Variants in BNIP1 observed in about 807,000 individuals in gnomAD.
BNIP1 encodes BCL2 interacting protein 1, also known as vesicle transport protein SEC20.
A neutral mutation model predicts 28.5 loss-of-function variants in BNIP1; 25 were observed. The observed-to-expected ratio is 0.88, with a 90% CI of 0.64 to 1.23. The LOEUF is 1.23. Ranked by LOEUF, BNIP1 falls within the 50% of genes most tolerant of loss-of-function variation. BNIP1 has a pLI of 0.00. For synonymous variants in BNIP1, 118 were observed against 101.7 expected (o/e 1.16, Z -0.96); for missense variants, 276 against 277.0 (o/e 1.00, Z 0.02).
intron 1 of BNIP1, chr5:173,145,015 T>A (rs1257067320): frequency 3.5e-5 from 6 of 173,406 alleles, no homozygotes; most frequent in African/African-American, 1.4e-4. Context: ...TCTGGTAGCG[T>A]CCGGGAGGCA....
rs5745137 is a variant in BNIP1, at chr5:173,154,207, GTT to G, written c.178-112_178-111del. ...GTTACCTAGCATTCCTAGGTGTTCTGTTTTAAAAGGGTGCTTCAAGTGCTATT... is the reference window on the plus strand; with the variant it reads ...GTTACCTAGCATTCCTAGGTGTTCTGTTAAAAGGGTGCTTCAAGTGCTATT... On this transcript the variant is annotated intron_variant, in intron 2 of 5. Transcript: ENST00000351486. 1,415 of 819,918 alleles carry G rather than the reference GTT, an allele frequency of 1.7e-3. 23 individuals are homozygous for G. The African/African-American group carries it at 0.022, about 13-fold the overall frequency. 50.8% of individuals were successfully genotyped at this position (819,918 alleles called of 1,614,324 possible). A position where few individuals can be genotyped will look rare whatever the true frequency, so the allele number is the denominator to read the frequency against.
At chr5:173,155,231 G>T (rs774477938) in intron 3 of BNIP1, among the ~76,000 whole-genome samples, 1 of 152,206 alleles carries the variant, frequency 6.6e-6, no homozygotes, top group Non-Finnish European at 1.5e-5. Flanking sequence ...TGATTATATA[G>T]TTACAGTTAT....
chr5:173,151,421 C>T (rs1030721597), intron 2 of BNIP1: 13 of 817,944 alleles, frequency 1.6e-5, no homozygotes, highest in Middle Eastern at 3.7e-4. Context: ...AGGGTTTTGC[C>T]ATGTTGCTCA....
intron 1 of BNIP1, among the ~76,000 whole-genome samples, chr5:173,145,457 A>G (rs1759804471): frequency 6.6e-6 from 1 of 152,230 alleles, no homozygotes; most frequent in Admixed American, 6.5e-5. Flanking sequence ...GCTGGAGTGC[A>G]GTGGCGCGAT....
rs1329909962 is a variant in BNIP1 at position 173,159,941 on chromosome 5, C to T, written c.380C>T (p.Thr127Ile). ...GGDLLRQRKTTKESLAQTSST... is the reference protein window; with the variant it reads ...GGDLLRQRKTIKESLAQTSST... ...TTCCTCTGAACTTTTAGGAAAACCA[C>T]CAAAGAGAGCCTGGCCCAGACATCC... is the stretch of plus-strand genomic sequence containing the variant. Residue 127 changes from threonine (T) to isoleucine (I), a missense_variant, in exon 5 of 6, where the codon ACC (threonine) becomes ATC (isoleucine). By Grantham distance (89) the Thr-to-Ile change is moderately conservative. Coordinates refer to ENST00000351486, the MANE Select transcript of BNIP1 (RefSeq NM_001205.3). 2 of 1,613,970 alleles carry T rather than the reference C, an allele frequency of 1.2e-6. No homozygotes were observed. The highest frequency in any genetic ancestry group is 4.5e-5 in the East Asian group (2 of 44,882).
intron 5 of BNIP1, 48 bp from the exon 6 acceptor site, chr5:173,163,677 T>C: frequency 6.6e-7 from 1 of 1,514,274 alleles, no homozygotes; most frequent in Non-Finnish European, 8.9e-7. Context: ...GGTCTTTGGA[T>C]CTTGAGCTGC....
At chr5:173,163,133 C>T (rs1372390441) in intron 5 of BNIP1, among the ~76,000 whole-genome samples, 1 of 152,176 alleles carries the variant, frequency 6.6e-6, no homozygotes, top group Non-Finnish European at 1.5e-5. Flanking sequence ...ACTCTGGGGA[C>T]AGTGATTCCT....
intron 3 of BNIP1, among the ~76,000 whole-genome samples, chr5:173,157,539 C>T (rs576150729): frequency 2.6e-5 from 4 of 152,030 alleles, no homozygotes; most frequent in African/African-American, 9.6e-5. Context: ...CTCAGACTCC[C>T]GAGTAGCTGG....
rs767436623 is a variant in BNIP1, at chr5:173,159,963, A to T, written c.402A>T (p.Thr134=). ...RKTTKESLAQ[T]SSTITESLMG... is the part of the protein sequence containing the mutation. ...CCACCAAAGAGAGCCTGGCCCAGAC[A>T]TCCAGTACCATCACTGAGAGCCTCA... is the stretch of plus-strand genomic sequence containing the variant. The change falls in exon 5 of 6, where the codon ACA becomes ACT. Residue 134 remains threonine, a synonymous_variant. Coordinates refer to ENST00000351486, the MANE Select transcript of BNIP1 (RefSeq NM_001205.3). 8.7e-6 allele frequency: 14 copies of T among 1,614,044 alleles called. No homozygotes were observed. In the African/African-American group the frequency reaches 1.6e-4, roughly 18 times the overall value.
At chr5:173,159,850 T>G in intron 4 of BNIP1, 83 bp from the exon 5 acceptor site, 3 of 1,135,740 alleles carry the variant, frequency 2.6e-6, no homozygotes, top group Non-Finnish European at 2.6e-6. Flanking sequence ...AGGTAAAACA[T>G]GAGATCTCAT....
chr5:173,158,704 G>A lies in BNIP1; in HGVS notation c.270-40G>A, dbSNP rs5745159. ...GTGAATTGAACTGACTTATGGCTTG[G>A]TGGAGTGGACACACTCACACGTGAA... On this transcript the variant is annotated intron_variant, in intron 3 of 5. Coordinates refer to ENST00000351486, the MANE Select transcript of BNIP1 (RefSeq NM_001205.3). The A allele has an allele frequency of 1.3e-3, 1,911 of 1,513,652 alleles. 31 individuals are homozygous for A. The African/African-American group carries it at 0.022, about 17-fold the overall frequency. The allele number at this position is 1,513,652 out of a possible 1,614,324, so 93.8% of individuals were successfully genotyped here. A position where few individuals can be genotyped will look rare whatever the true frequency, so the allele number is the denominator to read the frequency against.
rs576945835 is a variant in BNIP1, at chr5:173,160,615, C to G, written c.490+564C>G. ...CATTCCCATGTGTTCATGTGAAAGG[C>G]AGAGGTCCCAGCCCCTCTCCTAGAG... On this transcript the variant is annotated intron_variant, in intron 5 of 5. Transcript: ENST00000351486. Among the ~76,000 whole-genome samples, 5 of 152,234 alleles carry G rather than the reference C, an allele frequency of 3.3e-5. No homozygotes were observed. In the East Asian group the frequency reaches 9.7e-4, roughly 29 times the overall value.
Position 173,158,004 on chromosome 5 carries a change from G to A in BNIP1, c.270-740G>A, listed in dbSNP as rs112174000. Among the ~76,000 whole-genome samples, 498 of 149,670 alleles carry A rather than the reference G, an allele frequency of 3.3e-3. 2 individuals are homozygous for A. The highest frequency in any genetic ancestry group is 0.011 in the African/African-American group (460 of 40,616). ...TATAGTGGTACTATCACGGCTCACT[G>A]CAACCTCCACTTCCCAGGCTCAGGT... is the stretch of plus-strand genomic sequence containing the variant. On this transcript the variant is annotated intron_variant, in intron 3 of 5. Transcript: ENST00000351486.
intron 2 of BNIP1, chr5:173,151,482 A>G (rs527869161): frequency 2.1e-6 from 3 of 1,399,436 alleles, no homozygotes; most frequent in East Asian, 2.3e-5. Flanking sequence ...CAGCCTTCCA[A>G]AGTGTTGGGA....
intron 2 of BNIP1, chr5:173,151,457 A>G (rs1451286021): frequency 8.8e-7 from 1 of 1,140,502 alleles, no homozygotes; most frequent in Non-Finnish European, 1.2e-6. Flanking sequence ...CCTGGACTCA[A>G]GTGATTGCCT....
At position 173,164,134 on chromosome 5, in the gene BNIP1, G is replaced by A. The variant is rs921478735; in HGVS notation, c.*213G>A. On this transcript the variant is annotated 3_prime_UTR_variant, in exon 6 of 6. Transcript: ENST00000351486. This position sits in a 1 kb window ranked among gnomAD's most constrained non-coding sequence, Gnocchi z 4.0. The stretch of plus-strand genomic sequence containing the variant: ...GAGGAAGGTCTGGCATTGGGATGCC[G>A]CCCTGGGGACATACGAACCGCCTCC... The A allele has an allele frequency of 2.0e-5, 9 of 444,074 alleles. No individual in the cohort carries two copies. The highest frequency in any genetic ancestry group is 4.0e-5 in the African/African-American group (2 of 49,902). 27.5% of individuals were successfully genotyped at this position (444,074 alleles called of 1,614,324 possible). A position where few individuals can be genotyped will look rare whatever the true frequency, so the allele number is the denominator to read the frequency against.
Position 173,164,369 on chromosome 5 carries a change from T to C in BNIP1, c.*448T>C, listed in dbSNP as rs1760451081. 6.5e-6 allele frequency: 1 copy of C among 153,490 alleles called. No homozygotes were observed. The allele number at this position is 153,490 out of a possible 1,614,324, so 9.5% of individuals were successfully genotyped here. A position where few individuals can be genotyped will look rare whatever the true frequency, so the allele number is the denominator to read the frequency against. ...TGATTTTATTTAATAGAATAAAATG[T>C]ATTTGATTTTGTAAGATAGCCCTCT... On this transcript the variant is annotated 3_prime_UTR_variant, in exon 6 of 6. Transcript: ENST00000351486. The surrounding 1 kb of genome is among the most constrained non-coding windows in gnomAD (Gnocchi z 4.0).
chr5:173,154,529 T>C, intron 3 of BNIP1, 116 bp downstream of exon 3: 1 of 791,890 alleles, frequency 1.3e-6, no homozygotes, highest in South Asian at 2.0e-5. Flanking sequence ...GGTGTCTTTT[T>C]TTTTTTTTTG....
rs985286848 is a variant in BNIP1, at chr5:173,147,067, TAGAC to T, written c.177+112_177+115del. 2.5e-5 allele frequency: 21 copies of T among 833,472 alleles called. No individual in the cohort carries two copies. In the African/African-American group the frequency reaches 3.4e-4, roughly 14 times the overall value. 51.6% of individuals were successfully genotyped at this position (833,472 alleles called of 1,614,324 possible). Reference sequence around the variant, plus strand: ...CCAGCTGATGGGAGCAGTAAACACTTAGACAGGGAGGGTGACTCTGTACTAACCT... The same window carrying T: ...CCAGCTGATGGGAGCAGTAAACACTTAGGGAGGGTGACTCTGTACTAACCT... On this transcript the variant is annotated intron_variant, in intron 2 of 5. Coordinates refer to ENST00000351486, the MANE Select transcript of BNIP1 (RefSeq NM_001205.3).
Sources: allele counts gnomAD v4.1 joint callset (sites outside exome capture counted in the v4.1 genomes callset), GRCh38; gene constraint gnomAD v4.1.1; non-coding constraint Gnocchi (gnomAD v3.1); transcripts MANE v1.5; gene names NCBI Gene and HGNC (gene_info 2026-07-23, HGNC 2026-07-21).